Variants in PTPRG observed in about 807,000 individuals in gnomAD.
PTPRG encodes the protein protein tyrosine phosphatase receptor type G.
Under a neutral mutation model 165.3 loss-of-function variants are expected in PTPRG, and 102 were observed. That is an observed-to-expected ratio of 0.62 (90% CI 0.53 to 0.73). PTPRG has a LOEUF of 0.73. Among genes scored for constraint, PTPRG ranks in the 30% least tolerant of loss-of-function variants. The pLI, the probability that PTPRG is intolerant of heterozygous loss-of-function variation, is 0.00. For missense variants in PTPRG, 1,866 were observed against 1,861.4 expected (o/e 1.00, Z -0.05); for synonymous variants, 675 against 669.5 (o/e 1.01, Z -0.13).
chr3:61,594,737 C>A (rs964963259), intron 1 of PTPRG, among the ~76,000 whole-genome samples: 1 of 152,202 alleles, frequency 6.6e-6, no homozygotes, highest in Non-Finnish European at 1.5e-5. Flanking sequence ...TCCATCACTA[C>A]TTTGCATGTT....
intron 1 of PTPRG, among the ~76,000 whole-genome samples, chr3:61,635,345 A>G (rs1701879764): frequency 6.8e-6 from 1 of 147,970 alleles, no homozygotes; most frequent in African/African-American, 2.5e-5. Flanking sequence ...TTATATATAT[A>G]TTATATATAT....
chr3:61,844,945 A>G (rs1456953294), intron 2 of PTPRG, among the ~76,000 whole-genome samples: 3 of 152,244 alleles, frequency 2.0e-5, no homozygotes, highest in Non-Finnish European at 2.9e-5. Flanking sequence ...TTTTTTAACT[A>G]TATAAACTAG....
chr3:61,954,488 A>G (rs547962413), intron 2 of PTPRG, among the ~76,000 whole-genome samples: 2 of 152,292 alleles, frequency 1.3e-5, no homozygotes, highest in East Asian at 3.9e-4. Flanking sequence ...TGTTCTGTAT[A>G]GGGCTGGTTT....
chr3:61,645,933 C>T (rs139420541), intron 1 of PTPRG, among the ~76,000 whole-genome samples: 24 of 152,148 alleles, frequency 1.6e-4, no homozygotes, highest in African/African-American at 5.1e-4. Context: ...GGTTTATTTT[C>T]CTTGCCACTA....
chr3:62,248,789 A>C (rs907408112), intron 15 of PTPRG, among the ~76,000 whole-genome samples: 2 of 152,236 alleles, frequency 1.3e-5, no homozygotes, highest in Non-Finnish European at 2.9e-5. Flanking sequence ...CTAACTTTCT[A>C]ATAAGAGCAT....
intron 1 of PTPRG, among the ~76,000 whole-genome samples, chr3:61,717,213 C>T (rs1353869320): frequency 6.6e-6 from 1 of 152,090 alleles, no homozygotes; most frequent in East Asian, 1.9e-4. Context: ...TGAATGCCCA[C>T]AGGAAAGAAA....
At chr3:62,212,661 T>C (rs17685418) in intron 12 of PTPRG, among the ~76,000 whole-genome samples, 25,970 of 151,904 alleles carry the variant, frequency 0.17, 2,383 homozygotes, top group Non-Finnish European at 0.18. Flanking sequence ...GGTGTGACAT[T>C]AGGGAGTAGT....
intron 1 of PTPRG, among the ~76,000 whole-genome samples, chr3:61,685,059 C>T (rs867919109): frequency 4.6e-5 from 7 of 152,152 alleles, no homozygotes; most frequent in African/African-American, 1.4e-4. Context: ...TTTCTTTTCC[C>T]GCTCCTCCGC....
At chr3:62,280,815 C>T (rs1030771136) in intron 26 of PTPRG, among the ~76,000 whole-genome samples, 2 of 151,946 alleles carry the variant, frequency 1.3e-5, no homozygotes, top group Admixed American at 6.6e-5. Context: ...CCTAAGTTTC[C>T]ATCAACAGAT....
At chr3:61,788,877 C>G (rs1475062988) in intron 2 of PTPRG, among the ~76,000 whole-genome samples, 1 of 152,128 alleles carries the variant, frequency 6.6e-6, no homozygotes, top group East Asian at 1.9e-4. Context: ...TTGCTGAACC[C>G]TTTTCTAGAT....
At chr3:61,617,545 T>G (rs1020149242) in intron 1 of PTPRG, among the ~76,000 whole-genome samples, 12 of 152,220 alleles carry the variant, frequency 7.9e-5, no homozygotes, top group African/African-American at 2.9e-4. Context: ...TCTTTCTTCC[T>G]GATTAGCTAT....
intron 4 of PTPRG, among the ~76,000 whole-genome samples, chr3:62,036,991 A>G (rs1017401865): frequency 1.3e-5 from 2 of 149,650 alleles, no homozygotes; most frequent in African/African-American, 2.4e-5. Flanking sequence ...ACGCACACAC[A>G]CACACACACA....
At chr3:62,216,749 A>G (rs1362449470) in intron 12 of PTPRG, among the ~76,000 whole-genome samples, 1 of 151,974 alleles carries the variant, frequency 6.6e-6, no homozygotes, top group Non-Finnish European at 1.5e-5. Context: ...CTTACGACTA[A>G]ATTCAGTTTC....
intron 2 of PTPRG, among the ~76,000 whole-genome samples, chr3:61,772,109 C>G (rs1194671542): frequency 6.9e-6 from 1 of 144,926 alleles, no homozygotes; most frequent in Non-Finnish European, 1.5e-5. Context: ...GTGATGATCT[C>G]TGAATCATCT....
At chr3:62,058,282 C>CG (rs950437496) in intron 4 of PTPRG, among the ~76,000 whole-genome samples, 4 of 152,138 alleles carry the variant, frequency 2.6e-5, no homozygotes, top group African/African-American at 9.7e-5. Context: ...AGTTGCCTTA[C>CG]GGTGGGAAGG....
intron 2 of PTPRG, among the ~76,000 whole-genome samples, chr3:61,763,590 C>T (rs10222662): frequency 1 from 149,908 of 149,922 alleles, 74,947 homozygotes; most frequent in Middle Eastern, 1. Context: ...AGGCTGCTCT[C>T]GAACTCCTGA....
chr3:61,816,993 A>G (rs541913878), intron 2 of PTPRG, among the ~76,000 whole-genome samples: 1 of 127,992 alleles, frequency 7.8e-6, no homozygotes, highest in East Asian at 2.2e-4. Flanking sequence ...TATTATATAT[A>G]TATTATATAA....
chr3:62,269,711 A>G (rs530130299), intron 20 of PTPRG, among the ~76,000 whole-genome samples: 1 of 152,286 alleles, frequency 6.6e-6, no homozygotes, highest in East Asian at 1.9e-4. Context: ...TACCCTAGGA[A>G]TCACATTTTT....
chr3:61,622,479 G>A (rs1308470421), intron 1 of PTPRG, among the ~76,000 whole-genome samples: 1 of 152,032 alleles, frequency 6.6e-6, no homozygotes, highest in African/African-American at 2.4e-5. Flanking sequence ...ATTGCAGTAC[G>A]TATTTTAGGA....
Sources: gnomAD v4.1 joint callset for allele counts (sites outside exome capture counted in the v4.1 genomes callset) on GRCh38, gnomAD v4.1.1 for gene constraint, MANE v1.5 for transcripts, NCBI Gene and HGNC (gene_info 2026-07-23, HGNC 2026-07-21) for gene names.